APRT: variants seen among roughly 807,000 people sequenced by gnomAD.
APRT encodes the protein adenine phosphoribosyltransferase.
A neutral mutation model predicts 21.0 loss-of-function variants in APRT; 25 were observed. The ratio of observed to expected loss-of-function variants is 1.19; its 90% CI spans 0.87 to 1.66. The LOEUF is 1.66. Among genes scored for constraint, APRT ranks in the 40% most tolerant of loss-of-function variants. The pLI, the probability that APRT is intolerant of heterozygous loss-of-function variation, is 0.00. For missense variants in APRT, 294 were observed against 232.7 expected (o/e 1.26, Z -1.72); for synonymous variants, 153 against 109.0 (o/e 1.40, Z -2.52).
chr16:88,809,430 G>A lies in APRT; in HGVS notation c.*268C>T, dbSNP rs77994845. On this transcript the variant is annotated 3_prime_UTR_variant, in exon 5 of 5. Transcript: ENST00000378364. Reference sequence around the variant, plus strand: ...AGCTGAAGTCTGGTGTTGTCCTGGGGCTCCCTGCCCTGGGGAACAGGAGGA... The same window carrying A: ...AGCTGAAGTCTGGTGTTGTCCTGGGACTCCCTGCCCTGGGGAACAGGAGGA... 8.4e-6 allele frequency: 5 copies of A among 592,612 alleles called. No homozygotes were observed. Among genetic ancestry groups the A allele is most frequent in the Non-Finnish European group, 1.6e-5 (5 of 317,250 alleles). The allele number at this position is 592,612 out of a possible 1,614,324, so 36.7% of individuals were successfully genotyped here. A position where few individuals can be genotyped will look rare whatever the true frequency, so the allele number is the denominator to read the frequency against.
At position 88,809,401 on chromosome 16, in the gene APRT, G is replaced by T. The variant is rs1325996645; in HGVS notation, c.*297C>A. On this transcript the variant is annotated 3_prime_UTR_variant, in exon 5 of 5. Coordinates refer to ENST00000378364, the MANE Select transcript of APRT (RefSeq NM_000485.3). ...TCACGCCAAGCAGCACATGCCCACA[G>T]TACAGCTGAAGTCTGGTGTTGTCCT... is the stretch of plus-strand genomic sequence containing the variant. The T allele has an allele frequency of 5.5e-6, 3 of 542,914 alleles. No homozygotes were observed. Among genetic ancestry groups the T allele is most frequent in the South Asian group, 3.1e-5 (2 of 65,336 alleles). The allele number at this position is 542,914 out of a possible 1,614,324, so 33.6% of individuals were successfully genotyped here.
intron 1 of APRT, 32 bp downstream of exon 1, chr16:88,811,788 C>G: frequency 6.5e-7 from 1 of 1,537,900 alleles, no homozygotes; most frequent in Non-Finnish European, 8.8e-7. Context: ...GCCCGCAGGT[C>G]GGGGCGCCAC....
rs1001552853 is a variant in APRT, at chr16:88,811,925, G to T, written c.-26C>A. ...GGCCGCGTGCGAAGAGCCAGCGGCA[G>T]CCCGAGCGCGCCTGCGCGGGGACGG... is the stretch of plus-strand genomic sequence containing the variant. On this transcript the variant is annotated 5_prime_UTR_variant, in exon 1 of 5. It adds an upstream start codon to the 5' untranslated region. Coordinates refer to ENST00000378364, the MANE Select transcript of APRT (RefSeq NM_000485.3). The T allele has an allele frequency of 2.0e-6, 3 of 1,533,172 alleles. No individual in the cohort carries two copies. The highest frequency in any genetic ancestry group is 2.8e-5 in the African/African-American group (2 of 72,176). The allele number at this position is 1,533,172 out of a possible 1,614,324, so 95.0% of individuals were successfully genotyped here. A position where few individuals can be genotyped will look rare whatever the true frequency, so the allele number is the denominator to read the frequency against.
At position 88,809,414 on chromosome 16, in the gene APRT, C is replaced by A. The variant is rs1277616898; in HGVS notation, c.*284G>T. 3.5e-6 allele frequency: 2 copies of A among 563,880 alleles called. No individual in the cohort carries two copies. The highest frequency in any genetic ancestry group is 3.4e-6 in the Non-Finnish European group (1 of 297,504). 34.9% of individuals were successfully genotyped at this position (563,880 alleles called of 1,614,324 possible). A position where few individuals can be genotyped will look rare whatever the true frequency, so the allele number is the denominator to read the frequency against. ...CACATGCCCACAGTACAGCTGAAGTCTGGTGTTGTCCTGGGGCTCCCTGCC... is the reference window on the plus strand; with the variant it reads ...CACATGCCCACAGTACAGCTGAAGTATGGTGTTGTCCTGGGGCTCCCTGCC... On this transcript the variant is annotated 3_prime_UTR_variant, in exon 5 of 5. Coordinates refer to ENST00000378364, the MANE Select transcript of APRT (RefSeq NM_000485.3).
Position 88,809,734 on chromosome 16 carries a change from T to C in APRT, c.507A>G (p.Ala169=), listed in dbSNP as rs775409590. ...LTSLKGREKL[A]PVPFFSLLQY... ...GCAGGAGAGAGAAGAAGGGTACAGGTGCCAGCTTCTCCCTGCCCTTAAGCG... is the reference window on the plus strand; with the variant it reads ...GCAGGAGAGAGAAGAAGGGTACAGGCGCCAGCTTCTCCCTGCCCTTAAGCG... The change falls in exon 5 of 5, where the codon GCA becomes GCG. Residue 169 remains alanine, a synonymous_variant. Coordinates refer to ENST00000378364, the MANE Select transcript of APRT (RefSeq NM_000485.3). 9 of 1,613,208 alleles carry C rather than the reference T, an allele frequency of 5.6e-6. No individual in the cohort carries two copies. In the African/African-American group the frequency reaches 1.2e-4, roughly 22 times the overall value.
In APRT at chr16:88,810,104, C is replaced by G. The variant is rs542789654; in HGVS notation, c.366G>C (p.Arg122Ser). The G allele has an allele frequency of 1.2e-6, 2 of 1,613,186 alleles. No individual in the cohort carries two copies. The highest frequency in any genetic ancestry group is 1.3e-5 in the African/African-American group (1 of 74,924). The change falls in exon 4 of 5, where the codon AGG becomes AGC. Residue 122 changes from arginine to serine, a missense_variant. Physicochemically the swap from Arg to Ser is moderately radical, Grantham distance 110. Coordinates refer to ENST00000378364, the MANE Select transcript of APRT (RefSeq NM_000485.3). The part of the protein sequence containing the change: ...IQKDALEPGQ[R>S]VVVVDDLLAT... The stretch of plus-strand genomic sequence containing the variant: ...CCAGCAGATCATCCACGACGACCAC[C>G]CTCTGTCCTGGCTCCAGGGCGTCTT...
At chr16:88,810,046 A>C (rs1287645256) in intron 4 of APRT, 24 bp downstream of exon 4, 1 of 1,611,430 alleles carries the variant, frequency 6.2e-7, no homozygotes, top group Non-Finnish European at 8.5e-7. Context: ...GAGCCACAGC[A>C]GTTGGCTGCG....
In APRT at chr16:88,810,148, C is replaced by A. The variant is rs1479085979; in HGVS notation, c.322G>T (p.Ala108Ser). 1.9e-6 allele frequency: 3 copies of A among 1,612,710 alleles called. No homozygotes were observed. The highest frequency in any genetic ancestry group is 3.3e-5 in the Admixed American group (2 of 60,014). Residue 108 changes from alanine to serine, a missense_variant and splice_region_variant, in exon 4 of 5, where the codon GCT becomes TCT. Physicochemically the swap from Ala to Ser is moderately conservative, Grantham distance 99 (BLOSUM62 1). Coordinates refer to ENST00000378364, the MANE Select transcript of APRT (RefSeq NM_000485.3). ...WASYSLEYGK[A>S]ELEIQKDALE... ...GCGTCTTTCTGAATCTCCAGCTCAG[C>A]CTGGAGTGGGAAGTGGTGTGTGGTC...
chr16:88,809,624 T>TG lies in APRT; in HGVS notation c.*73dup. The TG allele has an allele frequency of 1.2e-6, 2 of 1,602,910 alleles. No homozygotes were observed. Among genetic ancestry groups the TG allele is most frequent in the Non-Finnish European group, 1.7e-6 (2 of 1,171,936 alleles). On this transcript the variant is annotated 3_prime_UTR_variant, in exon 5 of 5. Coordinates refer to ENST00000378364, the MANE Select transcript of APRT (RefSeq NM_000485.3). ...GTTCCCTGTGGGCAGCCGGTGCCCC[T>TG]GGTCACTGCAGTTGCCCAAGGCTGA...
At chr16:88,811,352 G>A in intron 2 of APRT, 198 bp downstream of exon 2, 1 of 611,424 alleles carries the variant, frequency 1.6e-6, no homozygotes, top group Non-Finnish European at 2.8e-6. Context: ...GGAACCTGCG[G>A]GAAGGACGCC....
chr16:88,810,650 C>A (rs1468182618), intron 2 of APRT, 94 bp from the exon 3 acceptor site: 51 of 1,471,864 alleles, frequency 3.5e-5, no homozygotes, highest in Non-Finnish European at 4.5e-5. Flanking sequence ...TGGCTCCCAG[C>A]TGAAAGGCCA....
chr16:88,811,409 G>A (rs1909132066), intron 2 of APRT, 141 bp downstream of exon 2: 2 of 907,008 alleles, frequency 2.2e-6, no homozygotes, highest in Non-Finnish European at 3.3e-6. Flanking sequence ...ACCCTTCCCG[G>A]GCGACCCAAG....
Position 88,810,417 on chromosome 16 carries a change from T to G in APRT, c.321+6A>C. On this transcript the variant is annotated splice_donor_region_variant and intron_variant, in intron 3 of 4. Coordinates refer to ENST00000378364, the MANE Select transcript of APRT (RefSeq NM_000485.3). Reference sequence around the variant, plus strand: ...GCCCTTCCTCTGGCCACCCCAGCCCTCTTACCTTCCCGTACTCCAGGGAAT... The same window carrying G: ...GCCCTTCCTCTGGCCACCCCAGCCCGCTTACCTTCCCGTACTCCAGGGAAT... 1 of 1,611,612 alleles carries G rather than the reference T, an allele frequency of 6.2e-7. No homozygotes were observed. Among genetic ancestry groups the G allele is most frequent in the Non-Finnish European group, 8.5e-7 (1 of 1,179,988 alleles).
At chr16:88,810,688 C>G in intron 2 of APRT, 132 bp from the exon 3 acceptor site, 1 of 1,220,104 alleles carries the variant, frequency 8.2e-7, no homozygotes, top group Non-Finnish European at 1.1e-6. Flanking sequence ...AGGAATGTTA[C>G]CCATCACCTA....
rs1316540091 is a variant in APRT, at chr16:88,809,828, G to A, written c.413C>T (p.Ala138Val). The A allele has an allele frequency of 6.2e-7, 1 of 1,612,258 alleles. No individual in the cohort carries two copies. Among genetic ancestry groups the A allele is most frequent in the Non-Finnish European group, 8.5e-7 (1 of 1,179,888 alleles). ...DLLATGGTMN[A>V]ACELLGRLQA... Reference sequence around the variant, plus strand: ...CAGGCGGCCCAGCAGCTCACAGGCAGCGTTCATGGTTCCTGGGGATGGGAG... The same window carrying A: ...CAGGCGGCCCAGCAGCTCACAGGCAACGTTCATGGTTCCTGGGGATGGGAG... The change falls in exon 5 of 5, where the codon GCT becomes GTT. Residue 138 changes from alanine to valine, a missense_variant. Physicochemically the swap from Ala to Val is moderately conservative, Grantham distance 64. Coordinates refer to ENST00000378364, the MANE Select transcript of APRT (RefSeq NM_000485.3).
At position 88,811,570 on chromosome 16, in the gene APRT, C is replaced by T; in HGVS notation, c.167G>A (p.Gly56Asp). 2 of 1,599,626 alleles carry T rather than the reference C, an allele frequency of 1.3e-6. No individual in the cohort carries two copies. Among genetic ancestry groups the T allele is most frequent in the Non-Finnish European group, 1.7e-6 (2 of 1,174,324 alleles). ...CTCGCCTGCGATGTAGTCGATGCGG[C>T]CCCCGTGGGTCGCCTTCAGGTGTCG... is the stretch of plus-strand genomic sequence containing the variant. ...LARHLKATHG[G>D]RIDYIAGLDS... The change falls in exon 2 of 5, where the codon GGC becomes GAC. Residue 56 changes from glycine (G) to aspartate (D), a missense_variant. By Grantham distance (94) the Gly-to-Asp change is moderately conservative (BLOSUM62 -1). Coordinates refer to ENST00000378364, the MANE Select transcript of APRT (RefSeq NM_000485.3).
Position 88,810,614 on chromosome 16 carries a change from T to A in APRT, c.188-58A>T, listed in dbSNP as rs1321843950. 6.3e-6 allele frequency: 10 copies of A among 1,592,200 alleles called. No individual in the cohort carries two copies. In the East Asian group the frequency reaches 2.0e-4, roughly 32 times the overall value. On this transcript the variant is annotated intron_variant, in intron 2 of 4. Transcript: ENST00000378364. ...GCATGGGAATCCCCAGGGGCCAGGG[T>A]TGGCCGGTGGCAAGGGGTACCTGGT...
rs1161349519 is a variant in APRT, at chr16:88,810,305, A to G, written c.321+118T>C. 3 of 1,530,110 alleles carry G rather than the reference A, an allele frequency of 2.0e-6. No homozygotes were observed. In the African/African-American group the frequency reaches 4.1e-5, roughly 21 times the overall value. 94.8% of individuals were successfully genotyped at this position (1,530,110 alleles called of 1,614,324 possible). A position where few individuals can be genotyped will look rare whatever the true frequency, so the allele number is the denominator to read the frequency against. On this transcript the variant is annotated intron_variant, in intron 3 of 4. Coordinates refer to ENST00000378364, the MANE Select transcript of APRT (RefSeq NM_000485.3). ...ATGTCTCAACCTCTCTGAGCTCCCA[A>G]GGCCACTGTAACCACAGCAGCTCCA...
Position 88,810,461 on chromosome 16 carries a change from G to C in APRT, c.283C>G (p.Pro95Ala). Residue 95 changes from proline to alanine, a missense_variant, in exon 3 of 5, where the codon CCC (proline) becomes GCC (alanine). Transcript: ENST00000378364. ...AGGGAATAGGAGGCCCACAGAGTGG[G>C]GCCTGGCAGCTTCCCCCGCTTTCGG... ...LIRKRGKLPG[P>A]TLWASYSLEY... is the part of the protein sequence containing the mutation. 6.2e-7 allele frequency: 1 copy of C among 1,612,224 alleles called. No individual in the cohort carries two copies. Among genetic ancestry groups the C allele is most frequent in the Non-Finnish European group, 8.5e-7 (1 of 1,179,880 alleles).
Sources: gnomAD v4.1 joint callset for allele counts on GRCh38, gnomAD v4.1.1 for gene constraint, MANE v1.5 for transcripts, NCBI Gene and HGNC (gene_info 2026-07-23, HGNC 2026-07-21) for gene names.